The following IST1 variants were observed in gnomAD, a reference collection of about 807,000 sequenced individuals.
IST1 encodes IST1 factor associated with ESCRT-III.
Under a neutral mutation model 37.0 loss-of-function variants are expected in IST1, and 23 were observed. The ratio of observed to expected loss-of-function variants is 0.62; its 90% CI spans 0.45 to 0.88. The LOEUF (loss-of-function observed/expected upper bound fraction) is 0.88, where lower values mean the gene tolerates loss of function less well. Ranked by LOEUF, IST1 falls within the 40% of genes least tolerant of loss-of-function variation. The pLI, the probability that IST1 is intolerant of heterozygous loss-of-function variation, is 0.00. For missense variants in IST1, 488 were observed against 445.4 expected, an observed-to-expected ratio of 1.10 and a Z score of -0.86; for synonymous variants, 180 against 161.7, an observed-to-expected ratio of 1.11 and a Z score of -0.86.
chr16:71,895,838 C>T (rs942520472), intron 1 of IST1, among the ~76,000 whole-genome samples: 18 of 152,220 alleles, frequency 1.2e-4, no homozygotes, highest in Admixed American at 9.2e-4. Flanking sequence ...TCGGAGGCCT[C>T]TGGTCCTGGA....
Position 71,915,636 on chromosome 16 carries a change from A to C in IST1, c.-5A>C. ...TTCTTCTGTTTCTAGGAGGAACAGC[A>C]CAGCATGCTGGGCTCTGGATTTAAA... On this transcript the variant is annotated 5_prime_UTR_variant, in exon 2 of 10. Transcript: ENST00000378799. The C allele has an allele frequency of 6.2e-7, 1 of 1,608,076 alleles. No homozygotes were observed. Among genetic ancestry groups the C allele is most frequent in the Non-Finnish European group, 8.5e-7 (1 of 1,177,162 alleles).
chr16:71,930,039 T>C lies in IST1; in HGVS notation c.*2226T>C. 1 of 1,544,828 alleles carries C rather than the reference T, an allele frequency of 6.5e-7. No individual in the cohort carries two copies. Among genetic ancestry groups the C allele is most frequent in the Non-Finnish European group, 8.7e-7 (1 of 1,144,548 alleles). On this transcript the variant is annotated 3_prime_UTR_variant, in exon 10 of 10. Transcript: ENST00000378799. ...GATATAACAGCATGCTAGTTTATCT[T>C]TTAGTTACCTACCTTAAGCGACTTT...
In IST1 at chr16:71,930,233, T is replaced by C; in HGVS notation, c.*2420T>C. On this transcript the variant is annotated 3_prime_UTR_variant, in exon 10 of 10. Transcript: ENST00000378799. ...CAGTGACTGACAATTTAGTTTATAC[T>C]TTACAAACATAAGCTATATGCTAGT... 2 of 1,486,448 alleles carry C rather than the reference T, an allele frequency of 1.3e-6. No homozygotes were observed. Among genetic ancestry groups the C allele is most frequent in the Non-Finnish European group, 9.0e-7 (1 of 1,113,330 alleles). 92.1% of individuals were successfully genotyped at this position (1,486,448 alleles called of 1,614,324 possible).
intron 1 of IST1, among the ~76,000 whole-genome samples, chr16:71,897,005 C>CT (rs1039670582): frequency 1.3e-4 from 19 of 151,744 alleles, no homozygotes; most frequent in African/African-American, 4.3e-4. Flanking sequence ...AACACTTCCT[C>CT]TTTTTTTGTA....
chr16:71,906,444 A>G (rs2037226086), intron 1 of IST1, among the ~76,000 whole-genome samples: 1 of 151,312 alleles, frequency 6.6e-6, no homozygotes, highest in South Asian at 2.1e-4. Context: ...AGTAGCTAGG[A>G]TTACAGGTGC....
intron 4 of IST1, 152 bp downstream of exon 4, chr16:71,917,286 A>G (rs2037485733): frequency 7.0e-6 from 4 of 567,536 alleles, no homozygotes; most frequent in Non-Finnish European, 1.2e-5. Flanking sequence ...TCTCCCTTTC[A>G]GCCTTATATC....
In IST1 at chr16:71,917,069, G is replaced by C. The variant is rs1485545862; in HGVS notation, c.292G>C (p.Glu98Gln). The C allele has an allele frequency of 1.9e-6, 3 of 1,609,102 alleles. No individual in the cohort carries two copies. The highest frequency in any genetic ancestry group is 1.1e-5 in the South Asian group (1 of 89,902). Residue 98 changes from glutamate (E) to glutamine (Q), a missense_variant, in exon 4 of 10, where the codon GAA (glutamate) becomes CAA (glutamine). This residue lies in a region of IST1 where 455 missense variants were observed against 386.2 expected (regional missense o/e 1.18). Coordinates refer to ENST00000378799, the MANE Select transcript of IST1 (RefSeq NM_001270975.2). ...SMKELDSGLAESVSTLIWAAP... is the reference protein window; with the variant it reads ...SMKELDSGLAQSVSTLIWAAP... ...TAGGGAACTAGATTCTGGTCTGGCT[G>C]AATCTGTGTCTACATTGATCTGGGC...
intron 8 of IST1, chr16:71,924,081 C>T (rs1399641702): frequency 6.6e-6 from 3 of 454,188 alleles, no homozygotes; most frequent in African/African-American, 4.0e-5. Flanking sequence ...CCTTTGGTTC[C>T]CATCTGTAGC....
At chr16:71,913,668 T>G (rs1360646979) in intron 1 of IST1, among the ~76,000 whole-genome samples, 1 of 148,042 alleles carries the variant, frequency 6.8e-6, no homozygotes, top group East Asian at 2.0e-4. Context: ...GCCCGGCTAA[T>G]TTTTGTATTT....
chr16:71,930,200 A>G lies in IST1; in HGVS notation c.*2387A>G, dbSNP rs1307224981. 1.3e-6 allele frequency: 2 copies of G among 1,537,342 alleles called. No homozygotes were observed. The highest frequency in any genetic ancestry group is 2.1e-5 in the Admixed American group (1 of 46,758). On this transcript the variant is annotated 3_prime_UTR_variant, in exon 10 of 10. Transcript: ENST00000378799. ...AGCGAAAACCTGGGAAAACAATAAG[A>G]ACACTTGCAGTGACTGACAATTTAG...
chr16:71,909,341 G>A (rs2037300203), intron 1 of IST1, among the ~76,000 whole-genome samples: 1 of 152,108 alleles, frequency 6.6e-6, no homozygotes, highest in African/African-American at 2.4e-5. Context: ...CCGGCCTCAA[G>A]CGATCCTCCT....
In IST1 at chr16:71,922,602, G is replaced by A. The variant is rs72801788; in HGVS notation, c.681G>A (p.Thr227=). The A allele has an allele frequency of 0.012, 19,697 of 1,600,230 alleles. 174 individuals carry two copies. The highest frequency in any genetic ancestry group is 0.058 in the Middle Eastern group (349 of 6,028). Residue 227 remains threonine, a synonymous_variant, in exon 7 of 10, where the codon ACG becomes ACA. Coordinates refer to ENST00000378799, the MANE Select transcript of IST1 (RefSeq NM_001270975.2). ...FTAPVGGPDG[T]VPMPMPMPMP... is the part of the protein sequence containing the mutation. ...CACCAGTTGGTGGACCTGATGGAAC[G>A]GTGCCAATGCCCATGCCCATGCCCA...
At chr16:71,898,220 C>CA (rs1232260145) in intron 1 of IST1, among the ~76,000 whole-genome samples, 4 of 150,216 alleles carry the variant, frequency 2.7e-5, no homozygotes, top group African/African-American at 7.4e-5. Context: ...ACTAAAAATA[C>CA]AAAAAAATTA....
At chr16:71,920,127 T>C (rs190100802) in intron 4 of IST1, among the ~76,000 whole-genome samples, 41 of 152,300 alleles carry the variant, frequency 2.7e-4, no homozygotes, top group Non-Finnish European at 1.9e-4. Flanking sequence ...AAAATAGATA[T>C]ATGCAAGGGA....
intron 1 of IST1, among the ~76,000 whole-genome samples, chr16:71,915,049 T>A (rs1397132266): frequency 6.6e-6 from 1 of 152,198 alleles, no homozygotes; most frequent in African/African-American, 2.4e-5. Context: ...TGTGTAACCC[T>A]GTATGTGAGT....
intron 1 of IST1, among the ~76,000 whole-genome samples, chr16:71,913,470 A>G (rs1307218728): frequency 6.6e-6 from 1 of 152,090 alleles, no homozygotes; most frequent in East Asian, 1.9e-4. Flanking sequence ...ATTGAGTTAC[A>G]GGAGTCATTT....
intron 6 of IST1, 86 bp from the exon 7 acceptor site, chr16:71,922,388 A>G (rs1231356011): frequency 9.0e-7 from 1 of 1,116,360 alleles, no homozygotes; most frequent in Non-Finnish European, 1.3e-6. Flanking sequence ...AACTTGCTTT[A>G]TGCTAATCTC....
At chr16:71,910,674 G>C (rs1490243927) in intron 1 of IST1, among the ~76,000 whole-genome samples, 1 of 152,018 alleles carries the variant, frequency 6.6e-6, no homozygotes, top group Non-Finnish European at 1.5e-5. Context: ...TGCGATTTCA[G>C]GCATCCACTA....
In IST1 at chr16:71,920,842, A is replaced by G. The variant is rs1185345318; in HGVS notation, c.441+20A>G. The G allele has an allele frequency of 6.4e-7, 1 of 1,555,096 alleles. No homozygotes were observed. Among genetic ancestry groups the G allele is most frequent in the Admixed American group, 1.7e-5 (1 of 59,964 alleles). ...GACAGGGTAATGAACATACTTGGTA[A>G]ACATGAAGGCAGTGTGTGGGAGCAG... On this transcript the variant is annotated intron_variant, in intron 5 of 9. Coordinates refer to ENST00000378799, the MANE Select transcript of IST1 (RefSeq NM_001270975.2).
Sources: allele counts gnomAD v4.1 joint callset (sites outside exome capture counted in the v4.1 genomes callset), GRCh38; gene constraint gnomAD v4.1.1; regional missense constraint gnomAD v4.1.1; transcripts MANE v1.5; gene names NCBI Gene and HGNC (gene_info 2026-07-23, HGNC 2026-07-21).